Variants in DOCK10 observed in about 807,000 individuals in gnomAD.
DOCK10 encodes the protein dedicator of cytokinesis 10, also known as dedicator of cytokinesis protein 10.
DOCK10 carries 145 observed loss-of-function variants against 280.1 expected under a neutral mutation model. The observed-to-expected ratio is 0.52, with a 90% CI of 0.45 to 0.59. DOCK10 has a LOEUF of 0.59. Ranked by LOEUF, DOCK10 falls within the 20% of genes least tolerant of loss-of-function variation. The pLI is 0.00. For missense variants in DOCK10, 2,368 were observed against 2,651.7 expected (o/e 0.89, Z 2.35); for synonymous variants, 915 against 942.2 (o/e 0.97, Z 0.53).
intron 3 of DOCK10, among the ~76,000 whole-genome samples, chr2:224,901,704 T>C (rs1003872262): frequency 1.2e-4 from 18 of 152,174 alleles, no homozygotes; most frequent in African/African-American, 3.9e-4. Flanking sequence ...GAAATCTACA[T>C]TGTAAAAAGT....
intron 1 of DOCK10, among the ~76,000 whole-genome samples, chr2:224,944,289 G>A (rs1337917822): frequency 6.6e-6 from 1 of 152,218 alleles, no homozygotes; most frequent in African/African-American, 2.4e-5. Flanking sequence ...ATTCCCAGGA[G>A]AAAAGCGTGA....
At chr2:224,891,844 GT>G (rs2125798729) in intron 4 of DOCK10, among the ~76,000 whole-genome samples, 1 of 152,242 alleles carries the variant, frequency 6.6e-6, no homozygotes, top group Admixed American at 6.5e-5. Context: ...TTCACTGGTG[GT>G]TTTTCTTAAT....
At chr2:224,936,097 G>A (rs1290542614) in intron 1 of DOCK10, among the ~76,000 whole-genome samples, 2 of 152,170 alleles carry the variant, frequency 1.3e-5, no homozygotes, top group Admixed American at 6.5e-5. Flanking sequence ...GGTGGAGATA[G>A]GCTTAATGCT....
intron 1 of DOCK10, among the ~76,000 whole-genome samples, chr2:224,986,422 A>G (rs1434534213): frequency 1.3e-5 from 2 of 152,186 alleles, no homozygotes; most frequent in African/African-American, 4.8e-5. Flanking sequence ...AGATAAATTT[A>G]TGGAAAGGCT....
chr2:225,013,722 G>A (rs931568435), intron 1 of DOCK10, among the ~76,000 whole-genome samples: 1 of 152,146 alleles, frequency 6.6e-6, no homozygotes, highest in Non-Finnish European at 1.5e-5. Context: ...CATCCTACAT[G>A]TGCAGTGCTT....
intron 21 of DOCK10, 138 bp from the exon 22 acceptor site, chr2:224,844,977 T>A: frequency 1.2e-6 from 1 of 807,216 alleles, no homozygotes; most frequent in Middle Eastern, 2.3e-4. Flanking sequence ...AAGATGCAAA[T>A]ACATTTAGCA....
chr2:224,812,734 C>G (rs1020689036), intron 31 of DOCK10, among the ~76,000 whole-genome samples: 3 of 152,136 alleles, frequency 2.0e-5, no homozygotes, highest in African/African-American at 7.2e-5. Context: ...TTCTGCATCT[C>G]TTGAGATAAT....
chr2:224,836,361 A>AT, intron 25 of DOCK10, among the ~76,000 whole-genome samples: 1 of 152,190 alleles, frequency 6.6e-6, no homozygotes, highest in Non-Finnish European at 1.5e-5. Context: ...TGTGGATCTT[A>AT]TTGGGTAAAA....
chr2:224,862,510 A>T, intron 14 of DOCK10, 154 bp downstream of exon 14: 1 of 624,590 alleles, frequency 1.6e-6, no homozygotes, highest in Non-Finnish European at 2.9e-6. Context: ...TATGTCTCAG[A>T]GAAGCTCAAG....
At chr2:224,766,208 G>A (rs966466670) in intron 55 of DOCK10, among the ~76,000 whole-genome samples, 1 of 152,128 alleles carries the variant, frequency 6.6e-6, no homozygotes, top group African/African-American at 2.4e-5. Flanking sequence ...TTAAATGTTT[G>A]CATAAAAGGA....
In DOCK10 at chr2:224,801,300, A is replaced by AC. The variant is rs11414550; in HGVS notation, c.4393+615_4393+616insG. 9.5e-3 allele frequency among the ~76,000 whole-genome samples: 1,433 copies of AC among 151,042 alleles called. 19 individuals are homozygous for AC. Among genetic ancestry groups the AC allele is most frequent in the African/African-American group, 0.034 (1,366 of 40,554 alleles). On this transcript the variant is annotated intron_variant, in intron 40 of 55. Transcript: ENST00000258390. ...GACATGGCAAAAAAAAAAAAAAAAA[A>AC]AAACATATTTGGGGATAAAATATTT...
chr2:225,031,904 T>C (rs1690089299), intron 1 of DOCK10, among the ~76,000 whole-genome samples: 1 of 152,168 alleles, frequency 6.6e-6, no homozygotes, highest in African/African-American at 2.4e-5. Flanking sequence ...TGGCTGTCTT[T>C]TGCCAGTCTC....
chr2:224,801,439 G>A (rs1273206107), intron 40 of DOCK10, among the ~76,000 whole-genome samples: 2 of 152,052 alleles, frequency 1.3e-5, no homozygotes, highest in Non-Finnish European at 2.9e-5. Context: ...GACTTTCCAG[G>A]CCCCTGAAGA....
rs762718200 is a variant in DOCK10 at position 224,794,906 on chromosome 2, A to G, written c.5127T>C (p.Ile1709=). 1 of 1,613,896 alleles carries G rather than the reference A, an allele frequency of 6.2e-7. No individual in the cohort carries two copies. The highest frequency in any genetic ancestry group is 1.7e-5 in the Admixed American group (1 of 60,024). The change falls in exon 45 of 56, where the codon ATT becomes ATC. Residue 1709 remains isoleucine, a synonymous_variant. Transcript: ENST00000258390. ...CAGATAAATCTCCGTTTCTGGCATG[A>G]ATCTTGGCCATACTTTCCAGCCAGG... ...RRTWLESMAK[I]HARNGDLSEA...
At chr2:224,927,378 G>A (rs1305119641) in intron 2 of DOCK10, among the ~76,000 whole-genome samples, 1 of 152,192 alleles carries the variant, frequency 6.6e-6, no homozygotes, top group Non-Finnish European at 1.5e-5. Flanking sequence ...TATCTAATTT[G>A]TGTTCCTAAC....
chr2:224,789,219 G>T (rs1034996389), intron 47 of DOCK10, 49 bp from the exon 48 acceptor site: 2 of 1,273,316 alleles, frequency 1.6e-6, no homozygotes, highest in Non-Finnish European at 1.1e-6. Flanking sequence ...GACAAATTTT[G>T]CTTAGATTAG....
intron 4 of DOCK10, among the ~76,000 whole-genome samples, chr2:224,887,534 C>G (rs1196248543): frequency 2.6e-5 from 4 of 152,140 alleles, no homozygotes; most frequent in Non-Finnish European, 5.9e-5. Flanking sequence ...TATCTCATAA[C>G]TAATGGTTGA....
intron 13 of DOCK10, among the ~76,000 whole-genome samples, chr2:224,863,714 G>A (rs1697684939): frequency 6.6e-6 from 1 of 152,180 alleles, no homozygotes; most frequent in Admixed American, 6.5e-5. Context: ...ACCTCCCAAA[G>A]TGCTGGGATT....
intron 1 of DOCK10, among the ~76,000 whole-genome samples, chr2:224,950,975 C>T (rs1703694100): frequency 6.6e-6 from 1 of 152,150 alleles, no homozygotes; most frequent in African/African-American, 2.4e-5. Flanking sequence ...GAAGGTGCTG[C>T]ATGGCATCTG....
Sources: allele counts gnomAD v4.1 joint callset (sites outside exome capture counted in the v4.1 genomes callset), GRCh38; gene constraint gnomAD v4.1.1; transcripts MANE v1.5; gene names NCBI Gene and HGNC (gene_info 2026-07-23, HGNC 2026-07-21).